The following PLEKHG4 variants were observed in gnomAD, a reference collection of about 807,000 sequenced individuals.
PLEKHG4 encodes the protein pleckstrin homology and RhoGEF domain containing G4, also known as puratrophin-1.
PLEKHG4 carries 85 observed loss-of-function variants against 136.9 expected under a neutral mutation model. The observed-to-expected ratio is 0.62, with a 90% CI of 0.52 to 0.74. The LOEUF (loss-of-function observed/expected upper bound fraction) is 0.74. Ranked by LOEUF, PLEKHG4 falls within the 30% of genes least tolerant of loss-of-function variation. The pLI is 0.00. For missense variants in PLEKHG4, 1,317 were observed against 1,527.8 expected (o/e 0.86, Z 2.30); for synonymous variants, 577 against 646.9 (o/e 0.89, Z 1.64).
At position 67,288,336 on chromosome 16, in the gene PLEKHG4, T is replaced by A; in HGVS notation, c.3390T>A (p.Tyr1130Ter). The stretch of plus-strand genomic sequence containing the variant: ...TTCTGGGTCTCCGCTGTCCCCTGTA[T>A]CCCAGCTTCCCAGAGGAAGCAGCAC... The part of the protein sequence containing the change: ...PALLGLRCPL[Y>*]PSFPEEAALE... Residue 1130 changes from tyrosine to a stop codon, truncating the protein, a stop_gained, in exon 20 of 22, where the codon TAT (tyrosine) becomes TAA (stop). Transcript: ENST00000379344. LOFTEE classifies it high-confidence loss of function. 1 of 1,611,962 alleles carries A rather than the reference T, an allele frequency of 6.2e-7. No individual in the cohort carries two copies. Among genetic ancestry groups the A allele is most frequent in the Non-Finnish European group, 8.5e-7 (1 of 1,180,000 alleles).
At position 67,284,209 on chromosome 16, in the gene PLEKHG4, A is replaced by G; in HGVS notation, c.1510-66A>G. 3 of 1,393,182 alleles carry G rather than the reference A, an allele frequency of 2.2e-6. No homozygotes were observed. The highest frequency in any genetic ancestry group is 2.4e-5 in the South Asian group (2 of 82,498). 86.3% of individuals were successfully genotyped at this position (1,393,182 alleles called of 1,614,324 possible). On this transcript the variant is annotated intron_variant, in intron 11 of 21. Coordinates refer to ENST00000379344, the MANE Select transcript of PLEKHG4 (RefSeq NM_001129729.3). The surrounding 1 kb of genome is among the most constrained non-coding windows in gnomAD (Gnocchi z 4.4). ...GGGACATGTCGATATGTCAGCAGGA[A>G]GTATCTGAGTCTGGGGGCTAGACCG...
In PLEKHG4 at chr16:67,285,159, C is replaced by G. The variant is rs1380803345; in HGVS notation, c.2139C>G (p.Pro713=). The G allele has an allele frequency of 1.2e-6, 2 of 1,613,486 alleles. No homozygotes were observed. The highest frequency in any genetic ancestry group is 8.5e-7 in the Non-Finnish European group (1 of 1,179,990). ...CAGAGGCTGGAGGAGGTGCCCTGCC[C>G]CAGGCATCCCCTACTGTGCCTCCAC... The part of the protein sequence containing the change: ...RRPEAGGGAL[P]QASPTVPPPG... The change falls in exon 13 of 22, where the codon CCC becomes CCG. Residue 713 remains proline (P), a synonymous_variant. Coordinates refer to ENST00000379344, the MANE Select transcript of PLEKHG4 (RefSeq NM_001129729.3).
At chr16:67,288,452 TTCCCG>T in intron 20 of PLEKHG4, 32 bp from the exon 21 acceptor site, 6 of 1,613,784 alleles carry the variant, frequency 3.7e-6, no homozygotes, top group Non-Finnish European at 5.1e-6. Context: ...GGTCTGGGGC[TTCCCG>T]TGCTGACAGT....
At position 67,284,655 on chromosome 16, in the gene PLEKHG4, G is replaced by A; in HGVS notation, c.1693-58G>A. The stretch of plus-strand genomic sequence containing the variant: ...GATGGGGAGTGGGTAGAGGAGCAGA[G>A]TGCCCAGCAGGCTTGGCAGGATCTT... On this transcript the variant is annotated intron_variant, in intron 12 of 21. Transcript: ENST00000379344. This position sits in a 1 kb window ranked among gnomAD's most constrained non-coding sequence, Gnocchi z 4.4. 1 of 1,589,884 alleles carries A rather than the reference G, an allele frequency of 6.3e-7. No homozygotes were observed. The highest frequency in any genetic ancestry group is 8.6e-7 in the Non-Finnish European group (1 of 1,164,604).
chr16:67,287,024 T>G lies in PLEKHG4; in HGVS notation c.2950T>G (p.Cys984Gly). The G allele has an allele frequency of 1.9e-6, 3 of 1,613,378 alleles. No homozygotes were observed. The highest frequency in any genetic ancestry group is 2.5e-6 in the Non-Finnish European group (3 of 1,180,012). ...GATGGCAGACCTTGGTCTCACTGAG[T>G]GCTGTGGGAACAGCAACCTGCGCTT... is the stretch of plus-strand genomic sequence containing the variant. ...FKMADLGLTE[C>G]CGNSNLRFEI... The change falls in exon 18 of 22, where the codon TGC becomes GGC. Residue 984 changes from cysteine (C) to glycine (G), a missense_variant. Transcript: ENST00000379344.
chr16:67,284,289 A>T lies in PLEKHG4; in HGVS notation c.1524A>T (p.Gln508His). The change falls in exon 12 of 22, where the codon CAA becomes CAT. Residue 508 changes from glutamine (Q) to histidine (H), a missense_variant. By Grantham distance (24) the Gln-to-His change is conservative. Coordinates refer to ENST00000379344, the MANE Select transcript of PLEKHG4 (RefSeq NM_001129729.3). This position sits in a 1 kb window ranked among gnomAD's most constrained non-coding sequence, Gnocchi z 4.4. ...TGTCTCTGCAGGAGCAGGTCAGGCA[A>T]GGGGAGAAGTTTCTGCAGCCGCTGA... ...LYQVAQEQVR[Q>H]GEKFLQPLTG... The T allele has an allele frequency of 3.7e-6, 6 of 1,613,852 alleles. No homozygotes were observed. Among genetic ancestry groups the T allele is most frequent in the Non-Finnish European group, 4.2e-6 (5 of 1,179,920 alleles).
In PLEKHG4 at chr16:67,284,204, C is replaced by T. The variant is rs561986072; in HGVS notation, c.1510-71C>T. The T allele has an allele frequency of 4.4e-6, 6 of 1,355,582 alleles. No individual in the cohort carries two copies. The highest frequency in any genetic ancestry group is 6.2e-6 in the Non-Finnish European group (6 of 962,946). 84.0% of individuals were successfully genotyped at this position (1,355,582 alleles called of 1,614,324 possible). On this transcript the variant is annotated intron_variant, in intron 11 of 21. Transcript: ENST00000379344. This position sits in a 1 kb window ranked among gnomAD's most constrained non-coding sequence, Gnocchi z 4.4. ...TGATGGGGACATGTCGATATGTCAG[C>T]AGGAAGTATCTGAGTCTGGGGGCTA...
intron 18 of PLEKHG4, chr16:67,287,537 C>G: frequency 2.1e-6 from 1 of 487,218 alleles, no homozygotes; most frequent in South Asian, 2.1e-5. Flanking sequence ...GTAGCTGAGA[C>G]TACAGGCATG....
At position 67,282,855 on chromosome 16, in the gene PLEKHG4, C is replaced by T. The variant is rs1300496123; in HGVS notation, c.1506C>T (p.Ala502=). Residue 502 remains alanine (A), a synonymous_variant, in exon 11 of 22, where the codon GCC becomes GCT. Transcript: ENST00000379344. ...QGSFQELYQV[A]QEQVRQGEKF... is the part of the protein sequence containing the mutation. ...CTTTTCAGGAGCTGTACCAGGTTGCCCAGGTATATGTGGTCACTTGTTCAT... is the reference window on the plus strand; with the variant it reads ...CTTTTCAGGAGCTGTACCAGGTTGCTCAGGTATATGTGGTCACTTGTTCAT... The T allele has an allele frequency of 5.6e-6, 9 of 1,611,484 alleles. No homozygotes were observed.
At position 67,288,233 on chromosome 16, in the gene PLEKHG4, C is replaced by T. The variant is rs776468241; in HGVS notation, c.3287C>T (p.Ser1096Leu). Residue 1096 changes from serine (S) to leucine (L), a missense_variant, in exon 20 of 22, where the codon TCG becomes TTG. Transcript: ENST00000379344. ...CATGACAGCCTCTACCTGGGGGCCTCGAACTCCCTTCCTGGAGACCCTGCC... is the reference window on the plus strand; with the variant it reads ...CATGACAGCCTCTACCTGGGGGCCTTGAACTCCCTTCCTGGAGACCCTGCC... ...FDHDSLYLGA[S>L]NSLPGDPASC... The T allele has an allele frequency of 1.4e-5, 22 of 1,613,866 alleles. No homozygotes were observed. The highest frequency in any genetic ancestry group is 1.6e-4 in the Middle Eastern group (1 of 6,084).
chr16:67,286,130 C>A, intron 14 of PLEKHG4, 144 bp from the exon 15 acceptor site: 1 of 710,516 alleles, frequency 1.4e-6, no homozygotes, highest in South Asian at 1.5e-5. Flanking sequence ...TTGTTCAAAG[C>A]AGGGAAGACT....
At position 67,287,189 on chromosome 16, in the gene PLEKHG4, C is replaced by T. The variant is rs1480894802; in HGVS notation, c.3103+12C>T. ...CGTCCACAACAAGGGTGGGTCCATG[C>T]CCCTCCTTCACGCCACACTCCCCTC... On this transcript the variant is annotated intron_variant, in intron 18 of 21. Coordinates refer to ENST00000379344, the MANE Select transcript of PLEKHG4 (RefSeq NM_001129729.3). 2 of 1,603,676 alleles carry T rather than the reference C, an allele frequency of 1.2e-6. No homozygotes were observed. The highest frequency in any genetic ancestry group is 8.5e-7 in the Non-Finnish European group (1 of 1,179,396).
rs1399751055 is a variant in PLEKHG4 at position 67,279,536 on chromosome 16, C to G, written c.-260C>G. On this transcript the variant is annotated 5_prime_UTR_variant, in exon 1 of 22. Transcript: ENST00000379344. ...GCGGCCAGGAGGCGGTGTCCCGTGA[C>G]GCCGCGCGGCCGCGCTGTAGTGGCC... 6.6e-6 allele frequency: 1 copy of G among 152,006 alleles called. No homozygotes were observed. The highest frequency in any genetic ancestry group is 1.5e-5 in the Non-Finnish European group (1 of 67,982). The allele number at this position is 152,006 out of a possible 1,614,324, so 9.4% of individuals were successfully genotyped here.
chr16:67,287,886 C>T lies in PLEKHG4; in HGVS notation c.3104-12C>T, dbSNP rs780469708. On this transcript the variant is annotated splice_polypyrimidine_tract_variant and intron_variant, in intron 18 of 21. Transcript: ENST00000379344. ...TCCAGAAGCATCCCACTTATGTCCA[C>T]TCTCCACCCAGAGGTGCGCATGGCT... 1 of 1,577,020 alleles carries T rather than the reference C, an allele frequency of 6.3e-7. No homozygotes were observed. The highest frequency in any genetic ancestry group is 8.7e-7 in the Non-Finnish European group (1 of 1,146,012).
rs908037265 is a variant in PLEKHG4, at chr16:67,284,137, G to A, written c.1510-138G>A. The A allele has an allele frequency of 8.6e-6, 6 of 693,876 alleles. No homozygotes were observed. In the African/African-American group the frequency reaches 9.0e-5, roughly 10 times the overall value. 43.0% of individuals were successfully genotyped at this position (693,876 alleles called of 1,614,324 possible). A position where few individuals can be genotyped will look rare whatever the true frequency, so the allele number is the denominator to read the frequency against. On this transcript the variant is annotated intron_variant, in intron 11 of 21. Transcript: ENST00000379344. The surrounding 1 kb of genome is among the most constrained non-coding windows in gnomAD (Gnocchi z 4.4). Reference sequence around the variant, plus strand: ...GGAGAAGGGGAGTGGATGTGGGTGGGGAGTAGGAGATACGGGTAGATGTTC... The same window carrying A: ...GGAGAAGGGGAGTGGATGTGGGTGGAGAGTAGGAGATACGGGTAGATGTTC...
intron 1 of PLEKHG4, 78 bp from the exon 2 acceptor site, chr16:67,279,798 G>A: frequency 3.8e-6 from 2 of 522,674 alleles, no homozygotes; most frequent in South Asian, 2.2e-5. Context: ...GGGTGGGCGC[G>A]CACGGAGCAG....
rs184805607 is a variant in PLEKHG4 at position 67,284,768 on chromosome 16, G to T, written c.1748G>T (p.Arg583Leu). ...GTGTTGGCAGAGCTGGAGCAGGAAC[G>T]CCCGGGGGTTGTGTTGCAGCAGCTG... Reference protein sequence around the residue: ...QRVLAELEQERPGVVLQQLQL... With the variant: ...QRVLAELEQELPGVVLQQLQL... The change falls in exon 13 of 22, where the codon CGC becomes CTC. Residue 583 changes from arginine (R) to leucine (L), a missense_variant. Coordinates refer to ENST00000379344, the MANE Select transcript of PLEKHG4 (RefSeq NM_001129729.3). The surrounding 1 kb of genome is among the most constrained non-coding windows in gnomAD (Gnocchi z 4.4). 32 of 1,613,690 alleles carry T rather than the reference G, an allele frequency of 2.0e-5. No individual in the cohort carries two copies. The highest frequency in any genetic ancestry group is 2.4e-5 in the Non-Finnish European group (28 of 1,179,912).
chr16:67,285,278 C>T lies in PLEKHG4; in HGVS notation c.2196-12C>T. On this transcript the variant is annotated splice_polypyrimidine_tract_variant and intron_variant, in intron 13 of 21. Coordinates refer to ENST00000379344, the MANE Select transcript of PLEKHG4 (RefSeq NM_001129729.3). ...AGAGATGTCTTGGGTCCTGACTCCC[C>T]ATACCTGGTAGGCTACAGCTGGTGC... 1 of 1,613,904 alleles carries T rather than the reference C, an allele frequency of 6.2e-7. No homozygotes were observed. Among genetic ancestry groups the T allele is most frequent in the East Asian group, 2.2e-5 (1 of 44,882 alleles).
At position 67,286,477 on chromosome 16, in the gene PLEKHG4, C is replaced by G; in HGVS notation, c.2565C>G (p.Asp855Glu). ...DKQQALGDHL[D>E]LASYLLKPIQ... ...AGCAAGCACTGGGGGACCACCTGGA[C>G]CTGGCCTCCTACCTGCTAAAGCCCA... The change falls in exon 16 of 22, where the codon GAC becomes GAG. Residue 855 changes from aspartate to glutamate, a missense_variant. Asp to Glu is a conservative substitution (Grantham distance 45). Transcript: ENST00000379344. The G allele has an allele frequency of 6.2e-7, 1 of 1,608,548 alleles. No homozygotes were observed. Among genetic ancestry groups the G allele is most frequent in the Non-Finnish European group, 8.5e-7 (1 of 1,176,914 alleles).
Sources: allele counts gnomAD v4.1 joint callset, GRCh38; gene constraint gnomAD v4.1.1; non-coding constraint Gnocchi (gnomAD v3.1); transcripts MANE v1.5; gene names NCBI Gene and HGNC (gene_info 2026-07-23, HGNC 2026-07-21).